The following PLCB4 variants were observed in gnomAD, a reference collection of about 807,000 sequenced individuals.
PLCB4 encodes 1-phosphatidylinositol 4,5-bisphosphate phosphodiesterase beta-4.
PLCB4 carries 77 observed loss-of-function variants against 178.8 expected under a neutral mutation model. The ratio of observed to expected loss-of-function variants is 0.43; its 90% CI spans 0.36 to 0.52. The LOEUF (loss-of-function observed/expected upper bound fraction) is 0.52, where lower values mean the gene tolerates loss of function less well. PLCB4 is among the 20% of genes least tolerant of loss of function. The pLI is 0.00. For missense variants in PLCB4, 1,024 were observed against 1,453.4 expected, an observed-to-expected ratio of 0.70 and a Z score of 4.80; for synonymous variants, 496 against 490.8, an observed-to-expected ratio of 1.01 and a Z score of -0.14.
At chr20:9,208,252 C>G (rs958353690) in intron 2 of PLCB4, among the ~76,000 whole-genome samples, 2 of 152,220 alleles carry the variant, frequency 1.3e-5, no homozygotes, top group African/African-American at 4.8e-5. Flanking sequence ...AGTGAGATGA[C>G]TACTCTGTGC....
chr20:9,470,095 G>A (rs1047193169), intron 36 of PLCB4, among the ~76,000 whole-genome samples: 19 of 152,158 alleles, frequency 1.2e-4, no homozygotes, highest in African/African-American at 3.1e-4. Context: ...TTGGGAGGCC[G>A]AGGTGGGCAG....
intron 13 of PLCB4, among the ~76,000 whole-genome samples, chr20:9,383,620 C>T (rs1406241951): frequency 6.6e-6 from 1 of 152,230 alleles, no homozygotes; most frequent in African/African-American, 2.4e-5. Flanking sequence ...CTCTTCTCAC[C>T]AGTCCCATAA....
intron 4 of PLCB4, among the ~76,000 whole-genome samples, chr20:9,321,665 C>T (rs1011856810): frequency 6.6e-6 from 1 of 152,084 alleles, no homozygotes; most frequent in Admixed American, 6.6e-5. Context: ...GACGGAGTCT[C>T]ACTGTGTTAC....
intron 1 of PLCB4, among the ~76,000 whole-genome samples, chr20:9,086,586 G>A (rs2090433020): frequency 6.6e-6 from 1 of 152,140 alleles, no homozygotes; most frequent in Non-Finnish European, 1.5e-5. Flanking sequence ...TAACTAGCAA[G>A]TTGTAGCGCC....
intron 3 of PLCB4, among the ~76,000 whole-genome samples, chr20:9,304,510 T>C (rs906852506): frequency 2.6e-5 from 4 of 152,166 alleles, no homozygotes; most frequent in Non-Finnish European, 5.9e-5. Flanking sequence ...CATTAAGTAC[T>C]GTTATTTAAA....
chr20:9,155,786 T>G (rs1012381018), intron 2 of PLCB4, among the ~76,000 whole-genome samples: 1 of 152,146 alleles, frequency 6.6e-6, no homozygotes, highest in African/African-American at 2.4e-5. Flanking sequence ...TCCTTTGTGC[T>G]CTGTAGCTAA....
At chr20:9,215,313 G>T (rs1455415355) in intron 2 of PLCB4, among the ~76,000 whole-genome samples, 1 of 152,136 alleles carries the variant, frequency 6.6e-6, no homozygotes, top group East Asian at 1.9e-4. Flanking sequence ...TGAAAATCTG[G>T]TAAATGTCAT....
At chr20:9,307,050 A>G (rs188417789) in intron 3 of PLCB4, among the ~76,000 whole-genome samples, 64 of 152,246 alleles carry the variant, frequency 4.2e-4, no homozygotes, top group Middle Eastern at 3.4e-3. Context: ...AATCCCTGCT[A>G]GAGGGCTTCA....
Position 9,373,072 on chromosome 20 carries a change from A to C in PLCB4, c.712A>C (p.Thr238Pro). ...KINGDKTDYL[T>P]VDQLVSFLNE... ...CAATGGAGACAAAACTGATTATTTAACGGTAGACCAATTAGTGAGCTTTCT... is the reference window on the plus strand; with the variant it reads ...CAATGGAGACAAAACTGATTATTTACCGGTAGACCAATTAGTGAGCTTTCT... Residue 238 changes from threonine (T) to proline (P), a missense_variant, in exon 12 of 40, where the codon ACG becomes CCG. By Grantham distance (38) the Thr-to-Pro change is conservative. This residue lies in a region of PLCB4 where 225 missense variants were observed against 291.0 expected (regional missense o/e 0.77). Coordinates refer to ENST00000378473, the MANE Select transcript of PLCB4 (RefSeq NM_001377142.1). 1 of 1,541,652 alleles carries C rather than the reference A, an allele frequency of 6.5e-7. No individual in the cohort carries two copies. The highest frequency in any genetic ancestry group is 9.0e-7 in the Non-Finnish European group (1 of 1,115,940).
At chr20:9,362,492 C>A (rs1262695419) in intron 7 of PLCB4, among the ~76,000 whole-genome samples, 1 of 152,100 alleles carries the variant, frequency 6.6e-6, no homozygotes, top group Non-Finnish European at 1.5e-5. Flanking sequence ...ATTGATGAAC[C>A]CCTATTCATT....
At chr20:9,448,410 G>C (rs1744441086) in intron 32 of PLCB4, among the ~76,000 whole-genome samples, 1 of 152,024 alleles carries the variant, frequency 6.6e-6, no homozygotes, top group South Asian at 2.1e-4. Flanking sequence ...GTGTGCCCCT[G>C]GCCCAAACAG....
chr20:9,187,844 C>G (rs991885872), intron 2 of PLCB4, among the ~76,000 whole-genome samples: 3 of 152,134 alleles, frequency 2.0e-5, no homozygotes, highest in Non-Finnish European at 4.4e-5. Flanking sequence ...TGTCCATGTT[C>G]CTCTTACTAT....
intron 7 of PLCB4, among the ~76,000 whole-genome samples, chr20:9,347,206 AC>A (rs2046233136): frequency 6.6e-6 from 1 of 152,192 alleles, no homozygotes; most frequent in Admixed American, 6.5e-5. Flanking sequence ...GAGTGCACAT[AC>A]GCTGTTGAGG....
rs115336312 is a variant in PLCB4 at position 9,420,685 on chromosome 20, G to C, written c.2155-612G>C. 5.4e-4 allele frequency among the ~76,000 whole-genome samples: 82 copies of C among 152,238 alleles called. 1 individual carries two copies. The highest frequency in any genetic ancestry group is 2.0e-3 in the African/African-American group (81 of 41,526). ...TGTATGTCAAATATACCTCAAAAAA[G>C]CTGTTTCAGATTGTTAGCTAGAAAA... On this transcript the variant is annotated intron_variant, in intron 26 of 39. Transcript: ENST00000378473.
At chr20:9,475,384 A>G (rs1205889190) in intron 38 of PLCB4, among the ~76,000 whole-genome samples, 1 of 152,214 alleles carries the variant, frequency 6.6e-6, no homozygotes, top group East Asian at 1.9e-4. Flanking sequence ...AAGCCACACC[A>G]GAGTTCTTGC....
chr20:9,184,612 A>C (rs1036990716), intron 2 of PLCB4, among the ~76,000 whole-genome samples: 5 of 151,824 alleles, frequency 3.3e-5, no homozygotes, highest in Non-Finnish European at 7.4e-5. Context: ...AAAAAAAAAA[A>C]AAAAAAAAAC....
intron 19 of PLCB4, among the ~76,000 whole-genome samples, chr20:9,397,361 A>G (rs1293429559): frequency 6.6e-6 from 1 of 152,118 alleles, no homozygotes; most frequent in Non-Finnish European, 1.5e-5. Context: ...GACTTCCTCC[A>G]CTGAAGTCTT....
intron 1 of PLCB4, among the ~76,000 whole-genome samples, chr20:9,087,751 T>C (rs1432286393): frequency 6.6e-6 from 1 of 152,230 alleles, no homozygotes; most frequent in East Asian, 1.9e-4. Flanking sequence ...GGCCAGTTCT[T>C]TCTCATACAC....
Position 9,221,267 on chromosome 20 carries a change from G to T in PLCB4, c.-16+3815G>T, listed in dbSNP as rs576978801. Reference sequence around the variant, plus strand: ...TTCCACATCAAGGCAATGGAGCTGGGCTTTTCCACTCCTGCATCAGTCACT... The same window carrying T: ...TTCCACATCAAGGCAATGGAGCTGGTCTTTTCCACTCCTGCATCAGTCACT... On this transcript the variant is annotated intron_variant, in intron 3 of 39. Coordinates refer to ENST00000378473, the MANE Select transcript of PLCB4 (RefSeq NM_001377142.1). Among the ~76,000 whole-genome samples, 22 of 152,254 alleles carry T rather than the reference G, an allele frequency of 1.4e-4. 1 individual carries two copies. The highest frequency in any genetic ancestry group is 8.3e-4 in the South Asian group (4 of 4,828).
Sources: gnomAD v4.1 joint callset for allele counts (sites outside exome capture counted in the v4.1 genomes callset) on GRCh38, gnomAD v4.1.1 for gene constraint, gnomAD v4.1.1 regional missense constraint, MANE v1.5 for transcripts, NCBI Gene and HGNC (gene_info 2026-07-23, HGNC 2026-07-21) for gene names.